The following ARL15 variants were observed in gnomAD, a reference collection of about 807,000 sequenced individuals.
The protein encoded by ARL15 is ARF like GTPase 15.
In ARL15, 19 loss-of-function variants were observed where a neutral mutation model predicts 25.2. The observed-to-expected ratio is 0.75, with a 90% CI of 0.53 to 1.10. ARL15 has a LOEUF of 1.10. ARL15 is among the 50% of genes least tolerant of loss of function. The pLI, the probability that ARL15 is intolerant of heterozygous loss-of-function variation, is 0.00. For missense variants in ARL15, 220 were observed against 246.0 expected (o/e 0.89, Z 0.71); for synonymous variants, 94 against 86.8 (o/e 1.08, Z -0.46).
intron 4 of ARL15, chr5:53,951,741 TC>T (rs1746971469): frequency 6.7e-6 from 2 of 299,890 alleles, no homozygotes; most frequent in South Asian, 6.6e-5. Flanking sequence ...TTTCCATGAA[TC>T]TTTTTCAAGC....
At chr5:53,906,729 A>G (rs1272002941) in intron 4 of ARL15, among the ~76,000 whole-genome samples, 1 of 152,226 alleles carries the variant, frequency 6.6e-6, no homozygotes, top group East Asian at 1.9e-4. Context: ...AATGGTTTTT[A>G]TGAAATATTA....
At chr5:53,895,400 G>A (rs1002116704) in intron 4 of ARL15, among the ~76,000 whole-genome samples, 2 of 152,294 alleles carry the variant, frequency 1.3e-5, no homozygotes, top group East Asian at 1.9e-4. Flanking sequence ...TGTTTAGCCT[G>A]TGTTTCTTTC....
intron 1 of ARL15, among the ~76,000 whole-genome samples, chr5:54,224,239 C>T (rs933308394): frequency 2.6e-5 from 4 of 151,764 alleles, no homozygotes; most frequent in Admixed American, 6.6e-5. Context: ...TGACCCTGCA[C>T]GCAACTGAAA....
chr5:53,988,651 A>T (rs896643110), intron 4 of ARL15, among the ~76,000 whole-genome samples: 2 of 152,190 alleles, frequency 1.3e-5, no homozygotes, highest in African/African-American at 4.8e-5. Context: ...TCCAAAAGAC[A>T]ATTTTACAGC....
rs1161169894 is a variant in ARL15 at position 53,941,442 on chromosome 5, C to T, written c.463-54729G>A. Among the ~76,000 whole-genome samples the T allele has an allele frequency of 3.3e-5, 5 of 152,248 alleles. No homozygotes were observed. In the East Asian group the frequency reaches 5.8e-4, roughly 18 times the overall value. On this transcript the variant is annotated intron_variant, in intron 4 of 4. Transcript: ENST00000504924. ...GAAAAACTCTACAGAATGGGCCTGT[C>T]GTTAAAAATAAACGAAGCAAGGATT...
chr5:54,184,264 A>ACC (rs1561257325), intron 1 of ARL15, among the ~76,000 whole-genome samples: 1 of 42,026 alleles, frequency 2.4e-5, no homozygotes, highest in African/African-American at 1.2e-4. Flanking sequence ...AAAAAATCAA[A>ACC]AAAAAAAAAA....
intron 1 of ARL15, among the ~76,000 whole-genome samples, chr5:54,252,996 A>T (rs1757275866): frequency 6.6e-6 from 1 of 152,110 alleles, no homozygotes; most frequent in Admixed American, 6.5e-5. Flanking sequence ...AAGTGCTGTG[A>T]TTACAGGCAT....
chr5:53,898,611 T>C (rs1178398305), intron 4 of ARL15, among the ~76,000 whole-genome samples: 1 of 151,930 alleles, frequency 6.6e-6, no homozygotes, highest in Non-Finnish European at 1.5e-5. Flanking sequence ...TCCTTCATAG[T>C]CCTTTATATT....
chr5:54,097,070 T>C (rs577205763), intron 4 of ARL15, among the ~76,000 whole-genome samples: 103 of 152,216 alleles, frequency 6.8e-4, no homozygotes, highest in African/African-American at 2.4e-3. Context: ...GTAACTTATG[T>C]CTAACACAGG....
At chr5:53,974,034 T>C (rs1747845511) in intron 4 of ARL15, among the ~76,000 whole-genome samples, 1 of 152,132 alleles carries the variant, frequency 6.6e-6, no homozygotes, top group African/African-American at 2.4e-5. Context: ...GTGGTCTGTC[T>C]GGGAAACTGA....
intron 4 of ARL15, among the ~76,000 whole-genome samples, chr5:54,019,219 C>T (rs1341063900): frequency 6.6e-6 from 1 of 151,062 alleles, no homozygotes; most frequent in South Asian, 2.1e-4. Context: ...CTAAGTTTGT[C>T]ATCTAACAGT....
At chr5:54,200,569 A>T (rs751433103) in intron 1 of ARL15, among the ~76,000 whole-genome samples, 2 of 151,964 alleles carry the variant, frequency 1.3e-5, no homozygotes, top group African/African-American at 4.8e-5. Flanking sequence ...AAGTTACACC[A>T]GGAAGGATAA....
chr5:53,899,312 C>T (rs1411502454), intron 4 of ARL15, among the ~76,000 whole-genome samples: 3 of 124,844 alleles, frequency 2.4e-5, no homozygotes, highest in African/African-American at 9.6e-5. Context: ...CATGCCACTG[C>T]AGTCCAGCCT....
intron 1 of ARL15, among the ~76,000 whole-genome samples, chr5:54,255,684 T>A (rs2112609568): frequency 6.6e-6 from 1 of 152,012 alleles, no homozygotes; most frequent in East Asian, 1.9e-4. Context: ...GTTGAACTCA[T>A]GTGATGGGCT....
chr5:54,187,218 G>A (rs899170587), intron 1 of ARL15, among the ~76,000 whole-genome samples: 3 of 152,084 alleles, frequency 2.0e-5, no homozygotes, highest in Non-Finnish European at 4.4e-5. Flanking sequence ...TCCAACCCCG[G>A]GCATTGTGCC....
chr5:54,050,306 T>A (rs577253102), intron 4 of ARL15, among the ~76,000 whole-genome samples: 1 of 152,190 alleles, frequency 6.6e-6, no homozygotes. Flanking sequence ...TAGATTAGAA[T>A]TAGAGATGAA....
chr5:54,121,988 C>T (rs955713377), intron 3 of ARL15, among the ~76,000 whole-genome samples: 1 of 152,062 alleles, frequency 6.6e-6, no homozygotes. Context: ...AACTACTGAA[C>T]GAAGAACTAA....
rs1268359679 is a variant in ARL15, at chr5:54,113,218, G to A, written c.446C>T (p.Ala149Val). 5 of 1,613,694 alleles carry A rather than the reference G, an allele frequency of 3.1e-6. No homozygotes were observed. The highest frequency in any genetic ancestry group is 4.2e-6 in the Non-Finnish European group (5 of 1,179,852). The change falls in exon 4 of 5, where the codon GCT becomes GTT. Residue 149 changes from alanine (A) to valine (V), a missense_variant. Transcript: ENST00000504924. ...GAGACATACCTCTTGTACTGAGCGA[G>A]CTGCTGGCTTGTCTTGATGATTGGC... ...ILANHQDKPAARSVQEIKKYF... is the reference protein window; with the variant it reads ...ILANHQDKPAVRSVQEIKKYF...
At chr5:53,933,369 G>A (rs1186544051) in intron 4 of ARL15, among the ~76,000 whole-genome samples, 5 of 152,086 alleles carry the variant, frequency 3.3e-5, no homozygotes, top group Non-Finnish European at 4.4e-5. Flanking sequence ...GAAAAAGGCC[G>A]GGCGCGGTGG....
Sources: allele counts gnomAD v4.1 joint callset (sites outside exome capture counted in the v4.1 genomes callset), GRCh38; gene constraint gnomAD v4.1.1; transcripts MANE v1.5; gene names NCBI Gene and HGNC (gene_info 2026-07-23, HGNC 2026-07-21).